The following NUMB variants were observed in gnomAD, a reference collection of about 807,000 sequenced individuals.
NUMB encodes protein numb homolog.
Under a neutral mutation model 59.7 loss-of-function variants are expected in NUMB, and 29 were observed. The ratio of observed to expected loss-of-function variants is 0.49; its 90% confidence interval spans 0.36 to 0.66. NUMB has a LOEUF of 0.66. Among genes scored for constraint, NUMB ranks in the 30% least tolerant of loss-of-function variants. The pLI is 0.00. For synonymous variants in NUMB, 288 were observed against 288.2 expected (o/e 1.00, Z 0.01); for missense variants, 723 against 822.0 (o/e 0.88, Z 1.47).
At chr14:73,366,749 G>A (rs1894363358) in intron 3 of NUMB, 148 bp downstream of exon 3, 1 of 152,092 alleles carries the variant, frequency 6.6e-6, no homozygotes, top group Non-Finnish European at 1.5e-5. Context: ...TATTATAAAG[G>A]ACAAAAACAC....
intron 1 of NUMB, among the ~76,000 whole-genome samples, chr14:73,413,498 T>C (rs1178089243): frequency 2.6e-5 from 4 of 151,794 alleles, no homozygotes; most frequent in Non-Finnish European, 5.9e-5. Context: ...TGGCTCACGC[T>C]TGTAATCTCA....
At chr14:73,318,327 A>T (rs1445930423) in intron 5 of NUMB, among the ~76,000 whole-genome samples, 2 of 152,234 alleles carry the variant, frequency 1.3e-5, no homozygotes, top group African/African-American at 4.8e-5. Context: ...GCATAAAAAG[A>T]CAGTTATTAA....
At chr14:73,436,796 T>C (rs1275453219) in intron 1 of NUMB, among the ~76,000 whole-genome samples, 5 of 151,370 alleles carry the variant, frequency 3.3e-5, no homozygotes, top group Non-Finnish European at 7.4e-5. Context: ...CTGGCTAACA[T>C]GGTGAAACCC....
intron 4 of NUMB, among the ~76,000 whole-genome samples, chr14:73,324,109 A>G (rs1363812710): frequency 6.6e-6 from 1 of 152,202 alleles, no homozygotes; most frequent in Non-Finnish European, 1.5e-5. Flanking sequence ...ACTGGGGTAG[A>G]TTAACTGTAT....
At chr14:73,368,701 T>G (rs970797894) in intron 2 of NUMB, among the ~76,000 whole-genome samples, 2 of 152,000 alleles carry the variant, frequency 1.3e-5, no homozygotes, top group Non-Finnish European at 2.9e-5. Flanking sequence ...GTACAGAAAA[T>G]TACTGACATA....
chr14:73,416,153 C>T (rs73310915), intron 1 of NUMB, among the ~76,000 whole-genome samples: 2,248 of 152,262 alleles, frequency 0.015, 53 homozygotes, highest in African/African-American at 0.048. Context: ...AGATTGTTTA[C>T]ATCCAGGTAT....
At chr14:73,311,822 A>T (rs1890790557) in intron 6 of NUMB, among the ~76,000 whole-genome samples, 1 of 152,184 alleles carries the variant, frequency 6.6e-6, no homozygotes, top group Non-Finnish European at 1.5e-5. Flanking sequence ...TTGAGGTTTC[A>T]TCAAACCACA....
chr14:73,373,705 CTT>C (rs558452695), intron 2 of NUMB, among the ~76,000 whole-genome samples: 60 of 127,646 alleles, frequency 4.7e-4, no homozygotes, highest in African/African-American at 4.9e-4. Flanking sequence ...GGAAAGCTTC[CTT>C]TTTTTTTTTT....
Position 73,433,430 on chromosome 14 carries a change from A to AT in NUMB, c.-232-23363dup, listed in dbSNP as rs566582922. On this transcript the variant is annotated intron_variant, in intron 1 of 12. Transcript: ENST00000555238. ...GAGCCAGACTCCATCTCAAAAAAAAATTTTTTTAAAGTAGTAGTGCTATAG... is the reference window on the plus strand; with the variant it reads ...GAGCCAGACTCCATCTCAAAAAAAAATTTTTTTTAAAGTAGTAGTGCTATAG... Among the ~76,000 whole-genome samples the AT allele has an allele frequency of 6.3e-4, 96 of 152,166 alleles. 4 individuals carry two copies. The South Asian group carries it at 0.019, about 30-fold the overall frequency.
intron 6 of NUMB, chr14:73,297,889 T>A (rs1313126994): frequency 6.6e-6 from 1 of 151,578 alleles, no homozygotes; most frequent in African/African-American, 2.4e-5. Flanking sequence ...TTTTTCCTAA[T>A]AATTTTTTTT....
At chr14:73,396,402 C>G (rs1896140563) in intron 2 of NUMB, among the ~76,000 whole-genome samples, 1 of 151,406 alleles carries the variant, frequency 6.6e-6, no homozygotes, top group Admixed American at 6.6e-5. Flanking sequence ...AGCTGGAGTA[C>G]AGTGGCACAA....
intron 4 of NUMB, among the ~76,000 whole-genome samples, chr14:73,324,614 G>T (rs17126871): frequency 6.1e-5 from 9 of 147,470 alleles, no homozygotes; most frequent in South Asian, 2.2e-4. Context: ...AACTAACAAA[G>T]TTTTTTTTTT....
chr14:73,400,206 T>C (rs922286591), intron 2 of NUMB, among the ~76,000 whole-genome samples: 5 of 152,142 alleles, frequency 3.3e-5, no homozygotes, highest in Admixed American at 3.3e-4. Context: ...TCCAACTATA[T>C]GACATTCTGG....
At chr14:73,295,647 G>A (rs1392385302) in intron 7 of NUMB, among the ~76,000 whole-genome samples, 1 of 151,998 alleles carries the variant, frequency 6.6e-6, no homozygotes, top group Non-Finnish European at 1.5e-5. Flanking sequence ...CAGGCAAGTT[G>A]CCTATCAAAA....
chr14:73,329,357 A>G (rs1037608601), intron 4 of NUMB, among the ~76,000 whole-genome samples: 5 of 152,214 alleles, frequency 3.3e-5, no homozygotes, highest in South Asian at 2.1e-4. Flanking sequence ...GTATTCATTC[A>G]GGTATGGTAA....
At chr14:73,366,105 C>A (rs1487015712) in intron 3 of NUMB, among the ~76,000 whole-genome samples, 1 of 152,174 alleles carries the variant, frequency 6.6e-6, no homozygotes, top group African/African-American at 2.4e-5. Flanking sequence ...ATTCTAAATA[C>A]AAATTGCATT....
intron 8 of NUMB, among the ~76,000 whole-genome samples, chr14:73,290,480 A>C (rs1482328051): frequency 3.3e-5 from 5 of 152,226 alleles, no homozygotes; most frequent in African/African-American, 1.2e-4. Flanking sequence ...CCAGAATCAG[A>C]ACTGAAACCC....
chr14:73,451,175 C>CAAA (rs1209954055), intron 1 of NUMB, among the ~76,000 whole-genome samples: 3 of 104,142 alleles, frequency 2.9e-5, no homozygotes, highest in African/African-American at 8.2e-5. Context: ...AAAAAAAAAA[C>CAAA]AAAAAACAAA....
chr14:73,404,893 T>C (rs548398538), intron 2 of NUMB, among the ~76,000 whole-genome samples: 28 of 152,148 alleles, frequency 1.8e-4, no homozygotes, highest in Non-Finnish European at 4.0e-4. Context: ...CCAGAGTAGC[T>C]GGGATTACAG....
Sources: gnomAD v4.1 joint callset for allele counts (sites outside exome capture counted in the v4.1 genomes callset) on GRCh38, gnomAD v4.1.1 for gene constraint, MANE v1.5 for transcripts, NCBI Gene and HGNC (gene_info 2026-07-23, HGNC 2026-07-21) for gene names.